SETD4: variants seen among roughly 807,000 people sequenced by gnomAD.
SETD4 encodes the protein SET domain-containing protein 4.
In SETD4, 46 loss-of-function variants were observed where a neutral mutation model predicts 58.3. The ratio of observed to expected loss-of-function variants is 0.79; its 90% CI spans 0.62 to 1.01. The LOEUF is 1.01. Among genes scored for constraint, SETD4 ranks in the 50% least tolerant of loss-of-function variants. SETD4 has a pLI of 0.00. For missense variants in SETD4, 490 were observed against 523.3 expected (o/e 0.94, Z 0.62); for synonymous variants, 190 against 202.6 (o/e 0.94, Z 0.53).
In SETD4 at chr21:36,057,123, G is replaced by C. The variant is rs182417958; in HGVS notation, c.155C>G (p.Pro52Arg). ...CTAGATCTTACCTGGAAAACAAGCA[G>C]GCGCTAAGTTTGAATCTTGAAACTT... Reference protein sequence around the residue: ...ARKFQDSNLAPACFPGTGRGL... With the variant: ...ARKFQDSNLARACFPGTGRGL... Residue 52 changes from proline (P) to arginine (R), a missense_variant, in exon 3 of 12, where the codon CCT becomes CGT. Transcript: ENST00000332131. 4 of 1,614,068 alleles carry C rather than the reference G, an allele frequency of 2.5e-6. No homozygotes were observed. Among genetic ancestry groups the C allele is most frequent in the Admixed American group, 3.3e-5 (2 of 60,020 alleles).
At chr21:36,058,284 C>A (rs554877775) in intron 2 of SETD4, among the ~76,000 whole-genome samples, 1 of 151,970 alleles carries the variant, frequency 6.6e-6, no homozygotes, top group Non-Finnish European at 1.5e-5. Flanking sequence ...GAGGACCACT[C>A]GAGCCCAGGA....
chr21:36,055,080 T>C (rs1287329405), intron 3 of SETD4, among the ~76,000 whole-genome samples: 9 of 152,220 alleles, frequency 5.9e-5, no homozygotes, highest in Non-Finnish European at 1.2e-4. Flanking sequence ...GTGTACCCCA[T>C]TGTGGAGTTA....
intron 4 of SETD4, chr21:36,050,863 C>G (rs1056500631): frequency 6.2e-7 from 1 of 1,610,844 alleles, no homozygotes; most frequent in Middle Eastern, 1.7e-4. Flanking sequence ...GTGGTTGGCA[C>G]CATGTTACAT....
At position 36,034,563 on chromosome 21, in the gene SETD4, G is replaced by A. The variant is rs1289371340; in HGVS notation, c.*1430C>T. Reference sequence around the variant, plus strand: ...ATGTAGGGTCTGCGAAGTTTTTAATGTTCAAGGGGCTGTCCGTTTTGAAAG... The same window carrying A: ...ATGTAGGGTCTGCGAAGTTTTTAATATTCAAGGGGCTGTCCGTTTTGAAAG... On this transcript the variant is annotated 3_prime_UTR_variant, in exon 12 of 12. Coordinates refer to ENST00000332131, the MANE Select transcript of SETD4 (RefSeq NM_017438.5). 2 of 152,204 alleles carry A rather than the reference G, an allele frequency of 1.3e-5. No homozygotes were observed. Among genetic ancestry groups the A allele is most frequent in the Non-Finnish European group, 2.9e-5 (2 of 68,054 alleles). The allele number at this position is 152,204 out of a possible 1,614,324, so 9.4% of individuals were successfully genotyped here.
chr21:36,049,704 A>G (rs1395030154), intron 4 of SETD4, among the ~76,000 whole-genome samples: 2 of 152,274 alleles, frequency 1.3e-5, no homozygotes, highest in African/African-American at 4.8e-5. Flanking sequence ...ATTTGGGTAA[A>G]TCTCTTTATC....
Position 36,044,866 on chromosome 21 carries a change from A to G in SETD4, c.726+716T>C, listed in dbSNP as rs2064234573. On this transcript the variant is annotated intron_variant, in intron 6 of 11. Transcript: ENST00000332131. ...CCCCAAAGTGGTTACAGGTGAGCCA[A>G]CTGATGGACTCTCTTCCGCTCTCCA... Among the ~76,000 whole-genome samples, 5 of 152,292 alleles carry G rather than the reference A, an allele frequency of 3.3e-5. No homozygotes were observed. In the South Asian group the frequency reaches 1.0e-3, roughly 32 times the overall value.
In SETD4 at chr21:36,060,024, C is replaced by A. The variant is rs540006969; in HGVS notation, c.-37+323G>T. 35 of 985,598 alleles carry A rather than the reference C, an allele frequency of 3.6e-5. No individual in the cohort carries two copies. The African/African-American group carries it at 5.8e-4, about 16-fold the overall frequency. 61.1% of individuals were successfully genotyped at this position (985,598 alleles called of 1,614,324 possible). A position where few individuals can be genotyped will look rare whatever the true frequency, so the allele number is the denominator to read the frequency against. On this transcript the variant is annotated intron_variant, in intron 1 of 11. Transcript: ENST00000332131. ...CAGGCACCGTCCCCGCCCCCATAGT[C>A]CTCAAACTCTAGCCGTGAGGCCGTC...
At position 36,043,945 on chromosome 21, in the gene SETD4, C is replaced by A; in HGVS notation, c.738G>T (p.Ala246=). 6.2e-7 allele frequency: 1 copy of A among 1,614,030 alleles called. No homozygotes were observed. Among genetic ancestry groups the A allele is most frequent in the East Asian group, 2.2e-5 (1 of 44,882 alleles). ...NHSPHVQVKA[A]FNEETHSYEI... The stretch of plus-strand genomic sequence containing the variant: ...CGTAAGAATGAGTTTCTTCATTAAA[C>A]GCTGCTTTTACCTAGAAAGAAAAAC... Residue 246 remains alanine (A), a synonymous_variant, in exon 7 of 12, where the codon GCG becomes GCT. Transcript: ENST00000332131.
chr21:36,046,597 TA>T (rs2123637118), intron 5 of SETD4, among the ~76,000 whole-genome samples: 1 of 152,360 alleles, frequency 6.6e-6, no homozygotes, highest in South Asian at 2.1e-4. Flanking sequence ...CTGTCATTGC[TA>T]AAAGCTCTAT....
intron 2 of SETD4, 46 bp from the exon 3 acceptor site, chr21:36,057,250 A>C: frequency 2.2e-6 from 3 of 1,340,448 alleles, no homozygotes; most frequent in Non-Finnish European, 3.2e-6. Context: ...CCACTATATA[A>C]TCGGATTACC....
At chr21:36,050,288 A>G in intron 4 of SETD4, 2 of 1,591,260 alleles carry the variant, frequency 1.3e-6, no homozygotes, top group Non-Finnish European at 1.7e-6. Flanking sequence ...ATCCTCAAAC[A>G]GAGATTTTAC....
chr21:36,043,494 A>T, intron 7 of SETD4: 1 of 1,192,724 alleles, frequency 8.4e-7, no homozygotes, highest in Non-Finnish European at 1.0e-6. Context: ...AAACATTTCC[A>T]TCCTTTAATA....
rs1423350781 is a variant in SETD4, at chr21:36,035,400, A to G, written c.*593T>C. 1 of 152,618 alleles carries G rather than the reference A, an allele frequency of 6.6e-6. No individual in the cohort carries two copies. The highest frequency in any genetic ancestry group is 1.5e-5 in the Non-Finnish European group (1 of 68,324). 9.5% of individuals were successfully genotyped at this position (152,618 alleles called of 1,614,324 possible). On this transcript the variant is annotated 3_prime_UTR_variant, in exon 12 of 12. Coordinates refer to ENST00000332131, the MANE Select transcript of SETD4 (RefSeq NM_017438.5). ...CCCAGGAAAGTCGCCAGAACAAAGC[A>G]GAAAGAGCCGCTGGCTGAGCTAGTC...
intron 5 of SETD4, among the ~76,000 whole-genome samples, chr21:36,046,896 A>G (rs1418336731): frequency 6.6e-6 from 1 of 152,202 alleles, no homozygotes; most frequent in African/African-American, 2.4e-5. Flanking sequence ...CAGGCCTAAA[A>G]GACCTATTCA....
intron 7 of SETD4, 21 bp from the exon 8 acceptor site, chr21:36,041,909 CAG>C (rs2064082018): frequency 1.1e-6 from 1 of 948,760 alleles, no homozygotes; most frequent in Admixed American, 2.9e-5. Context: ...AAAAAAAAAT[CAG>C]ACTGTTAGGG....
intron 9 of SETD4, among the ~76,000 whole-genome samples, chr21:36,038,845 C>A (rs1427340931): frequency 6.6e-6 from 1 of 152,088 alleles, no homozygotes; most frequent in African/African-American, 2.4e-5. Flanking sequence ...AGGGCCCACT[C>A]TGGAAGGTCT....
chr21:36,036,633 C>T, intron 10 of SETD4: 1 of 975,952 alleles, frequency 1.0e-6, no homozygotes. Flanking sequence ...AAATCCCAGG[C>T]ATGTTTTCAT....
In SETD4 at chr21:36,051,388, A is replaced by G. The variant is rs937770258; in HGVS notation, c.207+2195T>C. 6.7e-6 allele frequency: 10 copies of G among 1,493,142 alleles called. No homozygotes were observed. In the Admixed American group the frequency reaches 2.2e-4, roughly 33 times the overall value. 92.5% of individuals were successfully genotyped at this position (1,493,142 alleles called of 1,614,324 possible). A position where few individuals can be genotyped will look rare whatever the true frequency, so the allele number is the denominator to read the frequency against. ...CTACTGGTGGACTGACTCCACTGGT[A>G]ATTAACCAACAAAACCCTTGTAAAA... is the stretch of plus-strand genomic sequence containing the variant. On this transcript the variant is annotated intron_variant, in intron 4 of 11. Transcript: ENST00000332131.
rs776527823 is a variant in SETD4, at chr21:36,058,836, C to T, written c.53G>A (p.Gly18Glu). The change falls in exon 2 of 12, where the codon GGA becomes GAA. Residue 18 changes from glycine to glutamate, a missense_variant. Physicochemically the swap from Gly to Glu is moderately conservative, Grantham distance 98. Transcript: ENST00000332131. ...CATACCTCCTCTTGATTCAGAACTT[C>T]CGCAGAGTTTTCGTCTTCTGATCCG... The part of the protein sequence containing the change: ...TSRIRRRKLC[G>E]SSESRGVNES... 5.0e-6 allele frequency: 8 copies of T among 1,602,206 alleles called. No homozygotes were observed. The East Asian group carries it at 1.3e-4, about 27-fold the overall frequency.
Sources: allele counts gnomAD v4.1 joint callset (sites outside exome capture counted in the v4.1 genomes callset), GRCh38; gene constraint gnomAD v4.1.1; transcripts MANE v1.5; gene names NCBI Gene and HGNC (gene_info 2026-07-23, HGNC 2026-07-21).